NR5A2: variants seen among roughly 807,000 people sequenced by gnomAD.
NR5A2 encodes the protein CYP7A promoter-binding factor.
Under a neutral mutation model 62.7 loss-of-function variants are expected in NR5A2, and 26 were observed. The observed-to-expected ratio is 0.41, with a 90% CI of 0.30 to 0.58. The LOEUF (loss-of-function observed/expected upper bound fraction) is 0.58, where lower values mean the gene tolerates loss of function less well. Ranked by LOEUF, NR5A2 falls within the 20% of genes least tolerant of loss-of-function variation. NR5A2 has a pLI of 0.22. For missense variants in NR5A2, 541 were observed against 669.1 expected (o/e 0.81, Z 2.11); for synonymous variants, 246 against 241.7 (o/e 1.02, Z -0.16).
intron 7 of NR5A2, among the ~76,000 whole-genome samples, chr1:200,144,245 A>T (rs1024430871): frequency 1.3e-5 from 2 of 149,680 alleles, no homozygotes; most frequent in African/African-American, 2.5e-5. Flanking sequence ...ACACACACAC[A>T]CACACACACA....
intron 6 of NR5A2, among the ~76,000 whole-genome samples, chr1:200,114,210 G>A (rs1666104122): frequency 8.4e-6 from 1 of 119,142 alleles, no homozygotes; most frequent in Admixed American, 9.9e-5. Flanking sequence ...AGAGGTGGAA[G>A]CTAGAAGATA....
At chr1:200,055,320 C>G (rs1004777472) in intron 5 of NR5A2, among the ~76,000 whole-genome samples, 1 of 152,052 alleles carries the variant, frequency 6.6e-6, no homozygotes, top group Non-Finnish European at 1.5e-5. Flanking sequence ...CTCAGCCTCC[C>G]GAGTAGCTGG....
At chr1:200,065,302 T>A (rs1478331534) in intron 5 of NR5A2, among the ~76,000 whole-genome samples, 2 of 151,906 alleles carry the variant, frequency 1.3e-5, no homozygotes, top group Non-Finnish European at 2.9e-5. Context: ...CACCACCACA[T>A]GCAGTTAACT....
chr1:200,051,947 C>G (rs1344591798), intron 5 of NR5A2, among the ~76,000 whole-genome samples: 2 of 152,108 alleles, frequency 1.3e-5, no homozygotes, highest in Non-Finnish European at 2.9e-5. Flanking sequence ...CACAAACATA[C>G]AAACACATAC....
In NR5A2 at chr1:200,174,087, T is replaced by G. The variant is rs143039367; in HGVS notation, c.1503T>G (p.Leu501=). The G allele has an allele frequency of 1.9e-6, 3 of 1,613,768 alleles. No homozygotes were observed. In the African/African-American group the frequency reaches 4.0e-5, roughly 22 times the overall value. Reference sequence around the variant, plus strand: ...CAGAGAAATTTGGACAGCTACTTCTTCGACTACCCGAAATCCGGGCCATCA... The same window carrying G: ...CAGAGAAATTTGGACAGCTACTTCTGCGACTACCCGAAATCCGGGCCATCA... The part of the protein sequence containing the change: ...QQTEKFGQLL[L]RLPEIRAISM... Residue 501 remains leucine, a synonymous_variant, in exon 8 of 8, where the codon CTT becomes CTG. Transcript: ENST00000367362.
intron 7 of NR5A2, among the ~76,000 whole-genome samples, chr1:200,156,035 C>T (rs904749961): frequency 6.6e-6 from 1 of 152,122 alleles, no homozygotes; most frequent in African/African-American, 2.4e-5. Flanking sequence ...GCTTTATTAC[C>T]AACTGAAACT....
chr1:200,060,252 G>A (rs755441269), intron 5 of NR5A2, among the ~76,000 whole-genome samples: 1 of 152,090 alleles, frequency 6.6e-6, no homozygotes, highest in Non-Finnish European at 1.5e-5. Flanking sequence ...CTTGTCCTCA[G>A]CTGCATCTTC....
chr1:200,073,711 C>T (rs1042491653), intron 5 of NR5A2, among the ~76,000 whole-genome samples: 5 of 152,008 alleles, frequency 3.3e-5, no homozygotes, highest in African/African-American at 1.2e-4. Flanking sequence ...CACACACACA[C>T]ACATATGCAC....
At chr1:200,133,624 C>A (rs949760053) in intron 7 of NR5A2, among the ~76,000 whole-genome samples, 3 of 147,852 alleles carry the variant, frequency 2.0e-5, no homozygotes, top group Non-Finnish European at 3.0e-5. Context: ...CACACACACA[C>A]ACGTATATAT....
intron 1 of NR5A2, among the ~76,000 whole-genome samples, chr1:200,030,881 A>G (rs372160141): frequency 5.5e-4 from 84 of 152,342 alleles, no homozygotes; most frequent in African/African-American, 1.9e-3. Context: ...GAGTCTTGCT[A>G]TCTGGTCCCC....
At chr1:200,080,451 T>C (rs182712683) in intron 5 of NR5A2, among the ~76,000 whole-genome samples, 2 of 152,198 alleles carry the variant, frequency 1.3e-5, no homozygotes, top group Non-Finnish European at 2.9e-5. Flanking sequence ...ATAAAATCTT[T>C]GATTTTATAG....
Position 200,076,689 on chromosome 1 carries a change from T to C in NR5A2, c.1110+27871T>C, listed in dbSNP as rs986326377. On this transcript the variant is annotated intron_variant, in intron 5 of 7. Transcript: ENST00000367362. ...CTTTTCAGATTTAGTGTTTTAACTA[T>C]TGAGTAGGTACAGAGTTGCCATTTA... Among the ~76,000 whole-genome samples the C allele has an allele frequency of 2.0e-5, 3 of 152,322 alleles. 1 individual carries two copies. In the South Asian group the frequency reaches 6.2e-4, roughly 32 times the overall value.
In NR5A2 at chr1:200,039,604, C is replaced by G. The variant is rs1571698056; in HGVS notation, c.65-54C>G. 2 of 1,606,670 alleles carry G rather than the reference C, an allele frequency of 1.2e-6. No individual in the cohort carries two copies. The highest frequency in any genetic ancestry group is 2.3e-5 in the East Asian group (1 of 43,886). ...GAGAGGGTTGGGTTAGCAGGCATCC[C>G]GGTCGCCCCTTCCTTCTTTTCGCCG... On this transcript the variant is annotated intron_variant, in intron 1 of 7. Coordinates refer to ENST00000367362, the MANE Select transcript of NR5A2 (RefSeq NM_205860.3). This position sits in a 1 kb window ranked among gnomAD's most constrained non-coding sequence, Gnocchi z 5.1.
At chr1:200,061,882 G>A (rs1278041267) in intron 5 of NR5A2, among the ~76,000 whole-genome samples, 5 of 152,256 alleles carry the variant, frequency 3.3e-5, no homozygotes, top group South Asian at 2.1e-4. Flanking sequence ...TTTATAGCAT[G>A]TTTTACCTGA....
chr1:200,043,129 C>G (rs2102153684), intron 2 of NR5A2: 1 of 466,288 alleles, frequency 2.1e-6, no homozygotes, highest in Non-Finnish European at 2.8e-6. Context: ...CACAGATTTT[C>G]AAACGTAAGG....
chr1:200,059,042 G>A (rs1031107554), intron 5 of NR5A2, among the ~76,000 whole-genome samples: 5 of 152,020 alleles, frequency 3.3e-5, no homozygotes, highest in East Asian at 2.0e-4. Flanking sequence ...CTCAGGAGGC[G>A]GAGGTTGCAG....
intron 6 of NR5A2, among the ~76,000 whole-genome samples, chr1:200,119,091 A>T (rs535698353): frequency 6.6e-6 from 1 of 152,256 alleles, no homozygotes; most frequent in Non-Finnish European, 1.5e-5. Context: ...ACTGATTGAC[A>T]CCTTTGGGGG....
chr1:200,124,138 G>A (rs1463474064), intron 7 of NR5A2, among the ~76,000 whole-genome samples: 1 of 152,130 alleles, frequency 6.6e-6, no homozygotes, highest in Non-Finnish European at 1.5e-5. Flanking sequence ...TGGTTGGACT[G>A]AGATGAAGGA....
intron 6 of NR5A2, 104 bp downstream of exon 6, chr1:200,111,425 G>T: frequency 7.8e-7 from 1 of 1,276,370 alleles, no homozygotes; most frequent in East Asian, 2.5e-5. Context: ...CTTTGAAAGG[G>T]AGAGATTGGC....
Sources: gnomAD v4.1 joint callset for allele counts (sites outside exome capture counted in the v4.1 genomes callset) on GRCh38, gnomAD v4.1.1 for gene constraint, Gnocchi (gnomAD v3.1) non-coding constraint, MANE v1.5 for transcripts, NCBI Gene and HGNC (gene_info 2026-07-23, HGNC 2026-07-21) for gene names.